Variants in ILRUN observed in about 807,000 individuals in gnomAD.
ILRUN encodes inflammation and lipid regulator with UBA-like and NBR1-like domains.
In ILRUN, 3 loss-of-function variants were observed where a neutral mutation model predicts 33.8. The observed-to-expected ratio is 0.09, with a 90% confidence interval of 0.04 to 0.23. ILRUN has a LOEUF of 0.23. ILRUN is among the 10% of genes least tolerant of loss of function. ILRUN has a pLI of 1.00. For synonymous variants in ILRUN, 124 were observed against 138.9 expected (o/e 0.89, Z 0.75); for missense variants, 210 against 375.1 (o/e 0.56, Z 3.64).
intron 1 of ILRUN, among the ~76,000 whole-genome samples, chr6:34,666,323 G>T (rs1182289124): frequency 1.3e-5 from 2 of 152,184 alleles, no homozygotes; most frequent in African/African-American, 4.8e-5. Flanking sequence ...ACTTTGGGAG[G>T]CCGAGGCAGG....
intron 1 of ILRUN, among the ~76,000 whole-genome samples, chr6:34,683,419 CATATAT>C (rs1160051318): frequency 1.3e-4 from 10 of 78,574 alleles, no homozygotes; most frequent in African/African-American, 5.8e-4. Flanking sequence ...TATATATATA[CATATAT>C]ATACATATAT....
At chr6:34,625,620 A>G (rs1582056100) in intron 3 of ILRUN, among the ~76,000 whole-genome samples, 1 of 152,262 alleles carries the variant, frequency 6.6e-6, no homozygotes, top group East Asian at 1.9e-4. Context: ...ATTCTTTCCC[A>G]CAGAATGCCC....
At chr6:34,682,598 C>CA (rs1035316745) in intron 1 of ILRUN, among the ~76,000 whole-genome samples, 1 of 151,198 alleles carries the variant, frequency 6.6e-6, no homozygotes, top group African/African-American at 2.4e-5. Context: ...CTCAGCCTCC[C>CA]AAGTAGCTGG....
chr6:34,640,447 T>C (rs1762449169), intron 3 of ILRUN, among the ~76,000 whole-genome samples: 1 of 152,096 alleles, frequency 6.6e-6, no homozygotes, highest in South Asian at 2.1e-4. Context: ...GCGCGGTGGC[T>C]CATGTCTGTA....
At chr6:34,642,611 A>C (rs1363101963) in intron 3 of ILRUN, among the ~76,000 whole-genome samples, 1 of 152,132 alleles carries the variant, frequency 6.6e-6, no homozygotes, top group Non-Finnish European at 1.5e-5. Flanking sequence ...GGACCAGTCA[A>C]GAGCAAAGGT....
intron 1 of ILRUN, among the ~76,000 whole-genome samples, chr6:34,683,451 TACATATATATACATATATATAC>T (rs1219984998): frequency 6.7e-4 from 66 of 99,244 alleles, no homozygotes; most frequent in South Asian, 3.1e-3. Flanking sequence ...CATATATATA[TACATATATATACATATATATAC>T]ACATATATAT....
chr6:34,678,964 C>T (rs1180028957), intron 1 of ILRUN, among the ~76,000 whole-genome samples: 2 of 150,790 alleles, frequency 1.3e-5, no homozygotes, highest in Non-Finnish European at 2.9e-5. Context: ...AGACCTTTAG[C>T]ACATGAAAGT....
At chr6:34,620,663 C>CA (rs1403204096) in intron 3 of ILRUN, among the ~76,000 whole-genome samples, 12 of 151,916 alleles carry the variant, frequency 7.9e-5, no homozygotes, top group African/African-American at 1.5e-4. Context: ...TCCAACTCTA[C>CA]AAAAAAAATT....
intron 4 of ILRUN, among the ~76,000 whole-genome samples, chr6:34,591,937 T>C (rs1761301884): frequency 6.6e-6 from 1 of 152,220 alleles, no homozygotes; most frequent in Non-Finnish European, 1.5e-5. Context: ...CCAAAGGCAC[T>C]TTCTATGCTG....
chr6:34,646,511 G>T lies in ILRUN; in HGVS notation c.511+90C>A. Reference sequence around the variant, plus strand: ...TTAAAAAGAGGCCATGCCCTGTTATGCAATTTGACAGGCTCTGTGAGCAAC... The same window carrying T: ...TTAAAAAGAGGCCATGCCCTGTTATTCAATTTGACAGGCTCTGTGAGCAAC... On this transcript the variant is annotated intron_variant, in intron 3 of 4. Coordinates refer to ENST00000374023, the MANE Select transcript of ILRUN (RefSeq NM_024294.4). The surrounding 1 kb of genome is among the most constrained non-coding windows in gnomAD (Gnocchi z 4.9). The T allele has an allele frequency of 3.2e-6, 4 of 1,267,642 alleles. No homozygotes were observed. The highest frequency in any genetic ancestry group is 1.5e-5 in the African/African-American group (1 of 68,188). 78.5% of individuals were successfully genotyped at this position (1,267,642 alleles called of 1,614,324 possible).
At chr6:34,662,016 T>C (rs1263406204) in intron 1 of ILRUN, among the ~76,000 whole-genome samples, 1 of 148,352 alleles carries the variant, frequency 6.7e-6, no homozygotes, top group African/African-American at 2.5e-5. Context: ...TCCCAGCTGC[T>C]CGGGAGGCTG....
chr6:34,668,577 AAAT>A (rs780034306), intron 1 of ILRUN, among the ~76,000 whole-genome samples: 27 of 152,168 alleles, frequency 1.8e-4, no homozygotes, highest in Admixed American at 3.3e-4. Flanking sequence ...AAAGTGGCTA[AAAT>A]AATAATAATA....
chr6:34,640,755 G>C (rs1457673113), intron 3 of ILRUN, among the ~76,000 whole-genome samples: 1 of 151,004 alleles, frequency 6.6e-6, no homozygotes, highest in Non-Finnish European at 1.5e-5. Context: ...AAATTAAAGG[G>C]AGTGGATTCT....
At chr6:34,639,041 T>C (rs776500115) in intron 3 of ILRUN, among the ~76,000 whole-genome samples, 1 of 152,210 alleles carries the variant, frequency 6.6e-6, no homozygotes, top group African/African-American at 2.4e-5. Flanking sequence ...GAAAGCCTCA[T>C]GTTACCTGGT....
intron 4 of ILRUN, among the ~76,000 whole-genome samples, chr6:34,606,336 A>G (rs1169721620): frequency 6.6e-6 from 1 of 152,232 alleles, no homozygotes; most frequent in African/African-American, 2.4e-5. Flanking sequence ...GGAGTAAATT[A>G]TAAATGTGGA....
At chr6:34,591,501 T>A (rs1165212904) in intron 4 of ILRUN, among the ~76,000 whole-genome samples, 2 of 146,586 alleles carry the variant, frequency 1.4e-5, no homozygotes, top group Admixed American at 6.9e-5. Flanking sequence ...CTGTCTCAAT[T>A]TTTTTTTTTT....
At chr6:34,603,799 T>C (rs976827708) in intron 4 of ILRUN, among the ~76,000 whole-genome samples, 3 of 152,198 alleles carry the variant, frequency 2.0e-5, no homozygotes, top group African/African-American at 7.2e-5. Context: ...TCCTAGTGGG[T>C]AGGGATCCTT....
At position 34,588,221 on chromosome 6, in the gene ILRUN, G is replaced by C. The variant is rs1404571545; in HGVS notation, c.*2344C>G. On this transcript the variant is annotated 3_prime_UTR_variant, in exon 5 of 5. Coordinates refer to ENST00000374023, the MANE Select transcript of ILRUN (RefSeq NM_024294.4). ...CCAAGGATGTGCACAGAAATGGTTT[G>C]TTCTTGGGAAGGGAGACAAGGTGCT... The C allele has an allele frequency of 2.5e-6, 1 of 398,658 alleles. No homozygotes were observed. Among genetic ancestry groups the C allele is most frequent in the African/African-American group, 2.1e-5 (1 of 48,654 alleles). 24.7% of individuals were successfully genotyped at this position (398,658 alleles called of 1,614,324 possible). A position where few individuals can be genotyped will look rare whatever the true frequency, so the allele number is the denominator to read the frequency against.
rs1208787116 is a variant in ILRUN, at chr6:34,615,961, C to G, written c.512-9057G>C. On this transcript the variant is annotated intron_variant, in intron 3 of 4. Coordinates refer to ENST00000374023, the MANE Select transcript of ILRUN (RefSeq NM_024294.4). ...AATCCCAGAGTCTGCTTTTGACCAG[C>G]AGTTGTAAAGAGAAACCACTTAAGC... Among the ~76,000 whole-genome samples, 5 of 152,294 alleles carry G rather than the reference C, an allele frequency of 3.3e-5. No individual in the cohort carries two copies. In the East Asian group the frequency reaches 5.8e-4, roughly 18 times the overall value.
Sources: gnomAD v4.1 joint callset for allele counts (sites outside exome capture counted in the v4.1 genomes callset) on GRCh38, gnomAD v4.1.1 for gene constraint, Gnocchi (gnomAD v3.1) non-coding constraint, MANE v1.5 for transcripts, NCBI Gene and HGNC (gene_info 2026-07-23, HGNC 2026-07-21) for gene names.